TBX5: variants seen among roughly 807,000 people sequenced by gnomAD.
TBX5 encodes the protein T-box transcription factor TBX5.
Under a neutral mutation model 51.1 loss-of-function variants are expected in TBX5, and 8 were observed. The ratio of observed to expected loss-of-function variants is 0.16; its 90% confidence interval spans 0.09 to 0.28. TBX5 has a LOEUF of 0.28. TBX5 is among the 10% of genes least tolerant of loss of function. The pLI is 1.00. For synonymous variants in TBX5, 302 were observed against 266.4 expected (o/e 1.13, Z -1.30); for missense variants, 589 against 671.7 (o/e 0.88, Z 1.36).
chr12:114,379,200 C>T (rs1462583241), intron 7 of TBX5, among the ~76,000 whole-genome samples: 2 of 152,174 alleles, frequency 1.3e-5, no homozygotes, highest in Non-Finnish European at 2.9e-5. Flanking sequence ...TAGCATGACC[C>T]ACCAATCACA....
intron 7 of TBX5, among the ~76,000 whole-genome samples, chr12:114,376,705 T>G (rs1870210839): frequency 6.6e-6 from 1 of 151,414 alleles, no homozygotes; most frequent in Admixed American, 6.6e-5. Flanking sequence ...GGTAACTATA[T>G]GAGGTGCTGA....
chr12:114,387,424 G>A (rs182427604), intron 6 of TBX5, among the ~76,000 whole-genome samples: 1 of 152,174 alleles, frequency 6.6e-6, no homozygotes, highest in Non-Finnish European at 1.5e-5. Context: ...AATATTTTAA[G>A]ATATATGATT....
intron 6 of TBX5, among the ~76,000 whole-genome samples, chr12:114,392,421 A>G (rs1012908331): frequency 3.3e-5 from 5 of 152,206 alleles, no homozygotes; most frequent in South Asian, 2.1e-4. Flanking sequence ...ATTATGCCTC[A>G]ATAAGGCTGT....
Position 114,401,900 on chromosome 12 carries a change from C to T in TBX5, c.168G>A (p.Val56=), listed in dbSNP as rs745834660. Reference sequence around the variant, plus strand: ...GCCACAGTTCTCTTTCATGGAGAAACACTTTGATTCCCTCCATGCCCTGCA... The same window carrying T: ...GCCACAGTTCTCTTTCATGGAGAAATACTTTGATTCCCTCCATGCCCTGCA... ...FTQQGMEGIK[V]FLHERELWLK... Residue 56 remains valine, a synonymous_variant, in exon 3 of 9, where the codon GTG becomes GTA. Coordinates refer to ENST00000405440, the MANE Select transcript of TBX5 (RefSeq NM_181486.4). The T allele has an allele frequency of 5.0e-6, 8 of 1,614,042 alleles. No homozygotes were observed. The highest frequency in any genetic ancestry group is 4.5e-5 in the East Asian group (2 of 44,880).
intron 8 of TBX5, among the ~76,000 whole-genome samples, chr12:114,360,762 G>A (rs1193345621): frequency 1.3e-5 from 2 of 151,226 alleles, no homozygotes; most frequent in East Asian, 2.0e-4. Context: ...GGATGGATTG[G>A]TGGGTGGGTG....
chr12:114,406,956 G>A (rs1872269650), upstream of TBX5: 13 of 682,756 alleles, frequency 1.9e-5, no homozygotes, highest in Middle Eastern at 7.5e-4. Context: ...TTGGTGCTTG[G>A]AGTAAATGTC....
At chr12:114,365,925 C>G (rs527828743) in intron 8 of TBX5, among the ~76,000 whole-genome samples, 1 of 152,038 alleles carries the variant, frequency 6.6e-6, no homozygotes, top group South Asian at 2.1e-4. Flanking sequence ...TACAATAGGT[C>G]TGAACATTTC....
chr12:114,397,778 G>GAA (rs141432891), intron 5 of TBX5, among the ~76,000 whole-genome samples: 1 of 151,608 alleles, frequency 6.6e-6, no homozygotes, highest in African/African-American at 2.4e-5. Flanking sequence ...CTGGTTGTTG[G>GAA]AAAAAAAACA....
At chr12:114,370,288 G>GAAAGAAAAGA (rs775331042) in intron 7 of TBX5, among the ~76,000 whole-genome samples, 33 of 56,748 alleles carry the variant, frequency 5.8e-4, no homozygotes, top group Admixed American at 3.0e-3. Context: ...GAAAAGAAAA[G>GAAAGAAAAGA]AAAGAAAAGA....
At chr12:114,383,589 T>TAAAG (rs1008146928) in intron 7 of TBX5, among the ~76,000 whole-genome samples, 1 of 152,098 alleles carries the variant, frequency 6.6e-6, no homozygotes, top group Non-Finnish European at 1.5e-5. Context: ...GGTGGCTGCC[T>TAAAG]AAAGAAAGTC....
upstream of TBX5, chr12:114,406,193 T>G: frequency 7.9e-6 from 1 of 127,092 alleles, no homozygotes. Context: ...GCCCTCCCCC[T>G]TCTCTCTCCC....
chr12:114,407,669 C>A, upstream of TBX5: 1 of 749,488 alleles, frequency 1.3e-6, no homozygotes, highest in Non-Finnish European at 1.6e-6. Context: ...CCAGGTGACA[C>A]ACGAAGCCAT....
chr12:114,398,804 C>T, intron 4 of TBX5, 84 bp from the exon 5 acceptor site: 1 of 1,511,730 alleles, frequency 6.6e-7, no homozygotes, highest in Non-Finnish European at 9.0e-7. Context: ...AGTTCACGCA[C>T]CAGGTGAGGG....
chr12:114,403,319 A>G lies in TBX5; in HGVS notation c.147+433T>C, dbSNP rs533677098. ...CGGGAGGAGGCGAAGGCTACGGAAG[A>G]TCAGAAGAGGGGTCAAGCCATCGCT... is the stretch of plus-strand genomic sequence containing the variant. On this transcript the variant is annotated intron_variant, in intron 2 of 8. Coordinates refer to ENST00000405440, the MANE Select transcript of TBX5 (RefSeq NM_181486.4). Among the ~76,000 whole-genome samples the G allele has an allele frequency of 3.3e-5, 5 of 152,314 alleles. 1 individual carries two copies. The highest frequency in any genetic ancestry group is 3.3e-4 in the Admixed American group (5 of 15,302).
At chr12:114,392,812 A>T (rs1201747588) in intron 6 of TBX5, among the ~76,000 whole-genome samples, 1 of 152,184 alleles carries the variant, frequency 6.6e-6, no homozygotes, top group Non-Finnish European at 1.5e-5. Flanking sequence ...ACAGACTCAA[A>T]TTGGCCTGAA....
At chr12:114,406,386 C>T (rs1036942450), upstream of TBX5, among the ~76,000 whole-genome samples, 1 of 152,088 alleles carries the variant, frequency 6.6e-6, no homozygotes, top group African/African-American at 2.4e-5. Flanking sequence ...CTGCACAAAT[C>T]ATTTCAAACG....
chr12:114,381,255 C>T (rs1272256135), intron 7 of TBX5, among the ~76,000 whole-genome samples: 6 of 152,174 alleles, frequency 3.9e-5, no homozygotes, highest in Non-Finnish European at 7.3e-5. Context: ...ACCTCACTCC[C>T]TTCTACCAAT....
chr12:114,377,243 G>A (rs139525393), intron 7 of TBX5, among the ~76,000 whole-genome samples: 1 of 152,160 alleles, frequency 6.6e-6, no homozygotes, highest in Non-Finnish European at 1.5e-5. Flanking sequence ...GAGAACACAA[G>A]AGTGCTAAGC....
intron 5 of TBX5, among the ~76,000 whole-genome samples, chr12:114,396,098 C>T (rs1871402061): frequency 6.6e-6 from 1 of 152,144 alleles, no homozygotes; most frequent in South Asian, 2.1e-4. Context: ...TTGGACCAAC[C>T]CTGGAGTCCG....
Sources: gnomAD v4.1 joint callset for allele counts (sites outside exome capture counted in the v4.1 genomes callset) on GRCh38, gnomAD v4.1.1 for gene constraint, MANE v1.5 for transcripts, NCBI Gene and HGNC (gene_info 2026-07-23, HGNC 2026-07-21) for gene names.